RBFOX1: variants seen among roughly 807,000 people sequenced by gnomAD.
The protein encoded by RBFOX1 is RNA binding protein fox-1 homolog 1.
A neutral mutation model predicts 57.7 loss-of-function variants in RBFOX1; 8 were observed. That is an observed-to-expected ratio of 0.14 (90% CI 0.08 to 0.25). RBFOX1 has a LOEUF of 0.25. RBFOX1 is among the 10% of genes least tolerant of loss of function. The probability of loss-of-function intolerance (pLI) is 1.00; values close to 1 mark genes in which losing one functional copy is unlikely to be tolerated. For missense variants in RBFOX1, 611 were observed against 548.5 expected, an observed-to-expected ratio of 1.11 and a Z score of -1.14; for synonymous variants, 326 against 222.4, an observed-to-expected ratio of 1.47 and a Z score of -4.15.
At chr16:7,196,991 T>A (rs1042549277) in intron 4 of RBFOX1, among the ~76,000 whole-genome samples, 15 of 152,172 alleles carry the variant, frequency 9.9e-5, no homozygotes, top group Non-Finnish European at 2.2e-4. Context: ...TCTGGGTAAT[T>A]TTAAGGAGAG....
intron 4 of RBFOX1, among the ~76,000 whole-genome samples, chr16:5,978,003 G>A (rs1596331919): frequency 6.6e-6 from 1 of 151,776 alleles, no homozygotes; most frequent in East Asian, 2.0e-4. Context: ...TTTCTCATAT[G>A]TGAGCAGCTG....
At chr16:6,702,952 C>T (rs137991063) in intron 3 of RBFOX1, among the ~76,000 whole-genome samples, 1 of 152,294 alleles carries the variant, frequency 6.6e-6, no homozygotes, top group African/African-American at 2.4e-5. Context: ...CTCTGGCCAC[C>T]AGCATTCTGC....
chr16:6,818,910 TGGG>T (rs996340196), intron 3 of RBFOX1, among the ~76,000 whole-genome samples: 50 of 152,364 alleles, frequency 3.3e-4, no homozygotes, highest in African/African-American at 1.2e-3. Context: ...CGATTTCCTC[TGGG>T]CATGCTGAAC....
intron 3 of RBFOX1, among the ~76,000 whole-genome samples, chr16:6,853,494 G>T (rs184271493): frequency 2.6e-5 from 4 of 152,012 alleles, no homozygotes; most frequent in Non-Finnish European, 5.9e-5. Flanking sequence ...TGTGGTGCTC[G>T]AGGACAATCC....
chr16:6,131,770 C>G (rs774793957), intron 1 of RBFOX1, among the ~76,000 whole-genome samples: 3 of 152,162 alleles, frequency 2.0e-5, no homozygotes, highest in Admixed American at 6.5e-5. Flanking sequence ...TCCTTCTCAT[C>G]ATAGTTATGT....
At chr16:6,925,125 T>C (rs1387863049) in intron 3 of RBFOX1, among the ~76,000 whole-genome samples, 5 of 84,208 alleles carry the variant, frequency 5.9e-5, no homozygotes, top group South Asian at 5.4e-4. Context: ...TTTTTTTTTT[T>C]TTTTTTTTTT....
chr16:5,739,066 T>G (rs1317984772), intron 3 of RBFOX1, among the ~76,000 whole-genome samples: 1 of 152,252 alleles, frequency 6.6e-6, no homozygotes, highest in Non-Finnish European at 1.5e-5. Context: ...TGAAACACCT[T>G]GAAATCTAAC....
At chr16:6,498,781 C>G (rs868856110) in intron 2 of RBFOX1, among the ~76,000 whole-genome samples, 1 of 152,084 alleles carries the variant, frequency 6.6e-6, no homozygotes, top group East Asian at 1.9e-4. Flanking sequence ...TTTCAGAGTC[C>G]TATTGAGGAA....
At chr16:5,364,918 C>T (rs2065668423) in intron 1 of RBFOX1, among the ~76,000 whole-genome samples, 2 of 152,092 alleles carry the variant, frequency 1.3e-5, no homozygotes, top group Non-Finnish European at 2.9e-5. Flanking sequence ...TCACGCTGGA[C>T]AGTAGGGTCG....
At chr16:7,496,012 A>G (rs1186602711) in intron 4 of RBFOX1, among the ~76,000 whole-genome samples, 3 of 152,230 alleles carry the variant, frequency 2.0e-5, no homozygotes, top group Admixed American at 6.5e-5. Flanking sequence ...GCTAATAAGA[A>G]CGTTCCAGAG....
At chr16:6,951,715 A>C (rs62017756) in intron 3 of RBFOX1, among the ~76,000 whole-genome samples, 25,187 of 151,958 alleles carry the variant, frequency 0.17, 2,443 homozygotes, top group East Asian at 0.28. Flanking sequence ...ATTCAAGGAG[A>C]GACTCCACAC....
chr16:6,344,407 C>CTTTTTTTTCT (rs1555635135), intron 2 of RBFOX1, among the ~76,000 whole-genome samples: 1 of 109,846 alleles, frequency 9.1e-6, no homozygotes, highest in African/African-American at 4.4e-5. Context: ...TCTTTTTTTT[C>CTTTTTTTTCT]TTTTTTTTTT....
intron 3 of RBFOX1, among the ~76,000 whole-genome samples, chr16:7,028,862 G>T (rs940339814): frequency 6.6e-6 from 1 of 150,626 alleles, no homozygotes; most frequent in Non-Finnish European, 1.5e-5. Flanking sequence ...GCATCGCTTG[G>T]ATCTGAGTGG....
intron 5 of RBFOX1, among the ~76,000 whole-genome samples, chr16:7,560,248 G>C (rs376204344): frequency 2.0e-5 from 3 of 152,158 alleles, no homozygotes; most frequent in Non-Finnish European, 4.4e-5. Flanking sequence ...ACCCCCTATG[G>C]GGGGTGGACT....
At chr16:6,917,746 T>A (rs1044615069) in intron 3 of RBFOX1, among the ~76,000 whole-genome samples, 10 of 152,204 alleles carry the variant, frequency 6.6e-5, no homozygotes, top group African/African-American at 2.4e-4. Flanking sequence ...CAAGTGGACA[T>A]ATTTCATATC....
intron 2 of RBFOX1, among the ~76,000 whole-genome samples, chr16:6,478,584 T>G (rs771084100): frequency 1.7e-4 from 26 of 151,480 alleles, no homozygotes; most frequent in Admixed American, 7.2e-4. Context: ...GTCTTCGTCA[T>G]GAAGCTTAAT....
chr16:6,271,456 T>G (rs968578521), intron 1 of RBFOX1, among the ~76,000 whole-genome samples: 1 of 151,934 alleles, frequency 6.6e-6, no homozygotes, highest in African/African-American at 2.4e-5. Context: ...AAGGAAGTTA[T>G]AAAGATGAGA....
At chr16:5,345,005 C>A (rs2065110051) in intron 1 of RBFOX1, among the ~76,000 whole-genome samples, 1 of 152,228 alleles carries the variant, frequency 6.6e-6, no homozygotes, top group Admixed American at 6.5e-5. Flanking sequence ...CCTCCCTGCC[C>A]TTTGCAGGCA....
intron 3 of RBFOX1, among the ~76,000 whole-genome samples, chr16:6,955,081 C>A (rs9932837): frequency 0.25 from 23,131 of 90,980 alleles, 2,084 homozygotes; most frequent in Non-Finnish European, 0.29. Context: ...AAAAAAAAAA[C>A]ACACAAAAAA....
Sources: allele counts gnomAD v4.1 joint callset (sites outside exome capture counted in the v4.1 genomes callset), GRCh38; gene constraint gnomAD v4.1.1; transcripts MANE v1.5; gene names NCBI Gene and HGNC (gene_info 2026-07-23, HGNC 2026-07-21).